Variants in GATA2 observed in about 807,000 individuals in gnomAD.
GATA2 encodes GATA binding protein 2.
GATA2 carries 6 observed loss-of-function variants against 35.7 expected under a neutral mutation model. The observed-to-expected ratio is 0.17, with a 90% CI of 0.09 to 0.33. GATA2 has a LOEUF of 0.33. Ranked by LOEUF, GATA2 falls within the 10% of genes least tolerant of loss-of-function variation. The pLI, the probability that GATA2 is intolerant of heterozygous loss-of-function variation, is 1.00. For synonymous variants in GATA2, 313 were observed against 274.9 expected, an observed-to-expected ratio of 1.14 and a Z score of -1.37; for missense variants, 541 against 656.6, an observed-to-expected ratio of 0.82 and a Z score of 1.92.
chr3:128,486,119 G>T lies in GATA2; in HGVS notation c.479C>A (p.Thr160Asn), dbSNP rs751621459. The T allele has an allele frequency of 1.9e-6, 3 of 1,611,646 alleles. No homozygotes were observed. Among genetic ancestry groups the T allele is most frequent in the African/African-American group, 2.7e-5 (2 of 75,022 alleles). The change falls in exon 3 of 6, where the codon ACC (threonine) becomes AAC (asparagine). Residue 160 changes from threonine to asparagine, a missense_variant. This residue lies in a region of GATA2 where 389 missense variants were observed against 396.9 expected (regional missense o/e 0.98). Coordinates refer to ENST00000341105, the MANE Select transcript of GATA2 (RefSeq NM_032638.5). The stretch of plus-strand genomic sequence containing the variant: ...GGAGCCAGAGTGGGCTGCTGTAGGG[G>T]TGAGGGAGGCCACTGAGCTCCCGCT... Reference protein sequence around the residue: ...GGSGSSVASLTPTAAHSGSHL... With the variant: ...GGSGSSVASLNPTAAHSGSHL...
chr3:128,481,328 A>G lies in GATA2; in HGVS notation c.1144-10T>C, dbSNP rs1060503830. On this transcript the variant is annotated splice_polypyrimidine_tract_variant and intron_variant, in intron 5 of 5. Coordinates refer to ENST00000341105, the MANE Select transcript of GATA2 (RefSeq NM_032638.5). ...TCAGTGGCCTGTTAACCTAGAGGCA[A>G]CCACCAGTTTTCAGAGGGCCAGTTC... 3 of 1,610,976 alleles carry G rather than the reference A, an allele frequency of 1.9e-6. No homozygotes were observed. Among genetic ancestry groups the G allele is most frequent in the Non-Finnish European group, 2.5e-6 (3 of 1,180,010 alleles).
In GATA2 at chr3:128,480,729, C is replaced by A. The variant is rs915254654; in HGVS notation, c.*290G>T. 1 of 414,554 alleles carries A rather than the reference C, an allele frequency of 2.4e-6. No individual in the cohort carries two copies. Among genetic ancestry groups the A allele is most frequent in the African/African-American group, 2.0e-5 (1 of 49,406 alleles). The allele number at this position is 414,554 out of a possible 1,614,324, so 25.7% of individuals were successfully genotyped here. Reference sequence around the variant, plus strand: ...TTTTCCTTCTAAAAATGGTTGCCTTCGTCTGTCCCGTCCCCTCCTTTTCTC... The same window carrying A: ...TTTTCCTTCTAAAAATGGTTGCCTTAGTCTGTCCCGTCCCCTCCTTTTCTC... On this transcript the variant is annotated 3_prime_UTR_variant, in exon 6 of 6. Transcript: ENST00000341105.
chr3:128,486,719 G>A (rs984964145), intron 2 of GATA2, 84 bp downstream of exon 2: 5 of 1,315,318 alleles, frequency 3.8e-6, no homozygotes, highest in Non-Finnish European at 5.3e-6. Flanking sequence ...TCCTACATCC[G>A]GGAAGCAAGC....
At chr3:128,490,275 G>T (rs2068755313) in intron 1 of GATA2, 1 of 152,312 alleles carries the variant, frequency 6.6e-6, no homozygotes, top group African/African-American at 2.4e-5. Flanking sequence ...GACGCAGAGC[G>T]GAGCGAGGGA....
At chr3:128,481,984 GC>G in intron 4 of GATA2, 40 bp from the exon 5 acceptor site, 1 of 1,608,354 alleles carries the variant, frequency 6.2e-7, no homozygotes. Flanking sequence ...GGACTCCCAC[GC>G]CCACCTCGAC....
intron 1 of GATA2, chr3:128,489,361 C>T (rs1040150684): frequency 2.6e-5 from 4 of 152,392 alleles, no homozygotes; most frequent in African/African-American, 9.6e-5. Flanking sequence ...CAGGCTGAGG[C>T]CTCCTCCTGC....
At chr3:128,481,527 C>T (rs1036848125) in intron 5 of GATA2, among the ~76,000 whole-genome samples, 1 of 152,246 alleles carries the variant, frequency 6.6e-6, no homozygotes. Flanking sequence ...CCCTCCCTGG[C>T]TCTGCCCACC....
chr3:128,486,195 C>T lies in GATA2; in HGVS notation c.403G>A (p.Gly135Arg), dbSNP rs2068696792. The stretch of plus-strand genomic sequence containing the variant: ...CCTGGGTACACAGAGAGTGGGCCTC[C>T]AGGGCCTCCAGCAGCTGAGGGGTGC... ...PLHPSAAGGP[G>R]GPLSVYPGAG... The change falls in exon 3 of 6, where the codon GGA becomes AGA. Residue 135 changes from glycine to arginine, a missense_variant. Coordinates refer to ENST00000341105, the MANE Select transcript of GATA2 (RefSeq NM_032638.5). 2 of 1,560,896 alleles carry T rather than the reference C, an allele frequency of 1.3e-6. No individual in the cohort carries two copies. Among genetic ancestry groups the T allele is most frequent in the South Asian group, 1.2e-5 (1 of 85,094 alleles).
At position 128,486,271 on chromosome 3, in the gene GATA2, C is replaced by A. The variant is rs373506586; in HGVS notation, c.327G>T (p.Ala109=). 3 of 1,573,612 alleles carry A rather than the reference C, an allele frequency of 1.9e-6. No homozygotes were observed. Among genetic ancestry groups the A allele is most frequent in the Non-Finnish European group, 1.7e-6 (2 of 1,160,864 alleles). Residue 109 remains alanine (A), a synonymous_variant, in exon 3 of 6, where the codon GCG becomes GCT. Transcript: ENST00000341105. ...DGGKAALSAA[A]AHHHNPWTVS... The stretch of plus-strand genomic sequence containing the variant: ...CGGTCCAGGGGTTGTGGTGGTGGGC[C>A]GCAGCGGCAGAGAGGGCTGCTTTGC...
intron 4 of GATA2, 54 bp from the exon 5 acceptor site, chr3:128,481,998 C>A: frequency 1.9e-6 from 3 of 1,599,622 alleles, no homozygotes; most frequent in Non-Finnish European, 2.5e-6. Context: ...ACCTCGACCC[C>A]CCTCCCTGAC....
chr3:128,487,014 C>A lies in GATA2; in HGVS notation c.18G>T (p.Glu6Asp). MEVAP[E>D]QPRWMAHPAV... The stretch of plus-strand genomic sequence containing the variant: ...CCGGGTGCGCCATCCAGCGCGGCTG[C>A]TCGGGCGCCACCTCCATGGCCGGCG... Residue 6 changes from glutamate to aspartate, a missense_variant, in exon 2 of 6, where the codon GAG (glutamate) becomes GAT (aspartate). Physicochemically the swap from Glu to Asp is conservative, Grantham distance 45. Coordinates refer to ENST00000341105, the MANE Select transcript of GATA2 (RefSeq NM_032638.5). 6.3e-7 allele frequency: 1 copy of A among 1,596,204 alleles called. No homozygotes were observed. Among genetic ancestry groups the A allele is most frequent in the Non-Finnish European group, 8.5e-7 (1 of 1,171,590 alleles).
In GATA2 at chr3:128,488,365, T is replaced by A. The variant is rs1183084597; in HGVS notation, c.-45-1289A>T. On this transcript the variant is annotated intron_variant, in intron 1 of 5. Coordinates refer to ENST00000341105, the MANE Select transcript of GATA2 (RefSeq NM_032638.5). This position sits in a 1 kb window ranked among gnomAD's most constrained non-coding sequence, Gnocchi z 5.8. ...GCAGTTACCTACCCAGACCGTTCCC[T>A]CCCCTAGCTCGGGCGCTGTCTGGGT... 7 of 152,174 alleles carry A rather than the reference T, an allele frequency of 4.6e-5. 1 individual carries two copies. The highest frequency in any genetic ancestry group is 1.7e-4 in the African/African-American group (7 of 41,372). 9.4% of individuals were successfully genotyped at this position (152,174 alleles called of 1,614,324 possible). A position where few individuals can be genotyped will look rare whatever the true frequency, so the allele number is the denominator to read the frequency against.
At chr3:128,485,487 C>G (rs556418792) in intron 3 of GATA2, among the ~76,000 whole-genome samples, 2 of 152,252 alleles carry the variant, frequency 1.3e-5, no homozygotes, top group African/African-American at 4.8e-5. Context: ...GTGACCAACC[C>G]TGGGGCAAGG....
Position 128,481,027 on chromosome 3 carries a change from T to C in GATA2, c.1435A>G (p.Met479Val). The change falls in exon 6 of 6, where the codon ATG becomes GTG. Residue 479 changes from methionine to valine, a missense_variant. Coordinates refer to ENST00000341105, the MANE Select transcript of GATA2 (RefSeq NM_032638.5). ...CGACGTCCATCTGTTCCCTAGCCCATGGCGGTCACCATGCTGGACGGGTGG... is the reference window on the plus strand; with the variant it reads ...CGACGTCCATCTGTTCCCTAGCCCACGGCGGTCACCATGCTGGACGGGTGG... ...HPHPSSMVTA[M>V]G is the part of the protein sequence containing the mutation. 1.3e-6 allele frequency: 2 copies of C among 1,575,850 alleles called. No individual in the cohort carries two copies. Among genetic ancestry groups the C allele is most frequent in the Non-Finnish European group, 8.6e-7 (1 of 1,159,142 alleles).
Position 128,492,886 on chromosome 3 carries a change from G to A in GATA2, c.-46+13C>T, listed in dbSNP as rs559062253. On this transcript the variant is annotated intron_variant, in intron 1 of 5. Transcript: ENST00000341105. ...GGCCGGGCCCAGGGAAGGTGGAAGT[G>A]GAAGAAACTCACCGAGCGAGGCGCG... is the stretch of plus-strand genomic sequence containing the variant. The A allele has an allele frequency of 5.6e-3, 856 of 153,066 alleles. 1 individual carries two copies. Among genetic ancestry groups the A allele is most frequent in the Non-Finnish European group, 9.5e-3 (652 of 68,666 alleles). The allele number at this position is 153,066 out of a possible 1,614,324, so 9.5% of individuals were successfully genotyped here.
Position 128,480,104 on chromosome 3 carries a change from C to T in GATA2, c.*915G>A. On this transcript the variant is annotated 3_prime_UTR_variant, in exon 6 of 6. Coordinates refer to ENST00000341105, the MANE Select transcript of GATA2 (RefSeq NM_032638.5). ...TGTGGCTACGTACAATCAACTGGAC[C>T]CAAAAAGAGTTTAAAAATAAAACAA... The T allele has an allele frequency of 4.3e-6, 1 of 233,120 alleles. No individual in the cohort carries two copies. Among genetic ancestry groups the T allele is most frequent in the Non-Finnish European group, 8.5e-6 (1 of 117,986 alleles). 14.4% of individuals were successfully genotyped at this position (233,120 alleles called of 1,614,324 possible).
intron 1 of GATA2, among the ~76,000 whole-genome samples, chr3:128,491,681 T>C (rs565996615): frequency 1.3e-5 from 2 of 152,110 alleles, no homozygotes; most frequent in Non-Finnish European, 2.9e-5. Context: ...TCATTACTGT[T>C]CTGTGTCTTT....
rs925738824 is a variant in GATA2 at position 128,480,735 on chromosome 3, TC to T, written c.*283del. ...TTCTAAAAATGGTTGCCTTCGTCTG[TC>T]CCGTCCCCTCCTTTTCTCTACATAA... On this transcript the variant is annotated 3_prime_UTR_variant, in exon 6 of 6. Coordinates refer to ENST00000341105, the MANE Select transcript of GATA2 (RefSeq NM_032638.5). 8.9e-6 allele frequency: 4 copies of T among 450,136 alleles called. No individual in the cohort carries two copies. Among genetic ancestry groups the T allele is most frequent in the African/African-American group, 7.9e-5 (4 of 50,668 alleles). 27.9% of individuals were successfully genotyped at this position (450,136 alleles called of 1,614,324 possible).
At chr3:128,491,203 G>T (rs1182332509) in intron 1 of GATA2, among the ~76,000 whole-genome samples, 2 of 71,206 alleles carry the variant, frequency 2.8e-5, no homozygotes, top group Non-Finnish European at 5.0e-5. Flanking sequence ...CTCCCCGGCC[G>T]TCCAGCCCCC....
Sources: allele counts gnomAD v4.1 joint callset (sites outside exome capture counted in the v4.1 genomes callset), GRCh38; gene constraint gnomAD v4.1.1; regional missense constraint gnomAD v4.1.1; non-coding constraint Gnocchi (gnomAD v3.1); transcripts MANE v1.5; gene names NCBI Gene and HGNC (gene_info 2026-07-23, HGNC 2026-07-21).